The following DYNC2H1 variants were observed in gnomAD, a reference collection of about 807,000 sequenced individuals.
DYNC2H1 encodes the protein dynein cytoplasmic 2 heavy chain 1, also known as cytoplasmic dynein 2 heavy chain 1.
DYNC2H1 carries 410 observed loss-of-function variants against 570.0 expected under a neutral mutation model. That is an observed-to-expected ratio of 0.72 (90% CI 0.66 to 0.78). DYNC2H1 has a LOEUF of 0.78. Among genes scored for constraint, DYNC2H1 ranks in the 30% least tolerant of loss-of-function variants. DYNC2H1 has a pLI of 0.00. For missense variants in DYNC2H1, 4,865 were observed against 5,046.4 expected (o/e 0.96, Z 1.09); for synonymous variants, 1,688 against 1,677.6 (o/e 1.01, Z -0.15).
chr11:103,325,609 C>T lies in DYNC2H1; in HGVS notation c.12039+1619C>T, dbSNP rs1724507107. On this transcript the variant is annotated intron_variant, in intron 82 of 88. Coordinates refer to ENST00000375735, the MANE Select transcript of DYNC2H1 (RefSeq NM_001377.3). The surrounding 1 kb of genome is among the most constrained non-coding windows in gnomAD (Gnocchi z 4.8). ...TAGTTCTCTTTGTGGAGATCTTTCA[C>T]CTGTATACTGCTGTTAATACTTCTG... Among the ~76,000 whole-genome samples, 1 of 152,032 alleles carries T rather than the reference C, an allele frequency of 6.6e-6. No individual in the cohort carries two copies. The highest frequency in any genetic ancestry group is 1.5e-5 in the Non-Finnish European group (1 of 68,000).
Position 103,455,319 on chromosome 11 carries a change from C to T in DYNC2H1, c.12566+24C>T, listed in dbSNP as rs765601296. The T allele has an allele frequency of 2.5e-6, 4 of 1,592,740 alleles. No homozygotes were observed. In the South Asian group the frequency reaches 4.4e-5, roughly 18 times the overall value. ...AGGTAATTAAAATGAAATACTTTAC[C>T]TATTTGTCCCTGACGGTAATTAGTT... On this transcript the variant is annotated intron_variant, in intron 86 of 88. Coordinates refer to ENST00000375735, the MANE Select transcript of DYNC2H1 (RefSeq NM_001377.3).
intron 85 of DYNC2H1, 28 bp downstream of exon 85, chr11:103,436,060 T>C (rs1420691859): frequency 2.5e-6 from 4 of 1,597,068 alleles, no homozygotes; most frequent in Non-Finnish European, 3.4e-6. Context: ...ACTAAGTGGG[T>C]TGTCTGACTG....
rs1254160734 is a variant in DYNC2H1, at chr11:103,204,266, T to C, written c.8311+490T>C. Reference sequence around the variant, plus strand: ...TTCCTCCCGCAACACGTGGGGATTATGGGAGCTACAAAATGAGATTTGGGT... The same window carrying C: ...TTCCTCCCGCAACACGTGGGGATTACGGGAGCTACAAAATGAGATTTGGGT... On this transcript the variant is annotated intron_variant, in intron 51 of 88. Coordinates refer to ENST00000375735, the MANE Select transcript of DYNC2H1 (RefSeq NM_001377.3). This position sits in a 1 kb window ranked among gnomAD's most constrained non-coding sequence, Gnocchi z 4.1. Among the ~76,000 whole-genome samples the C allele has an allele frequency of 6.6e-6, 1 of 152,140 alleles. No homozygotes were observed. Among genetic ancestry groups the C allele is most frequent in the Non-Finnish European group, 1.5e-5 (1 of 68,024 alleles).
At chr11:103,359,895 C>T (rs764394568) in intron 83 of DYNC2H1, among the ~76,000 whole-genome samples, 19 of 152,094 alleles carry the variant, frequency 1.2e-4, no homozygotes, top group Non-Finnish European at 2.5e-4. Context: ...TAACTCCTGA[C>T]GTCAGGTGGT....
chr11:103,311,124 A>G (rs1207534085), intron 78 of DYNC2H1, among the ~76,000 whole-genome samples: 2 of 152,198 alleles, frequency 1.3e-5, no homozygotes, highest in African/African-American at 2.4e-5. Context: ...TTTTTATGTT[A>G]GAAACCATTT....
At chr11:103,219,806 A>C (rs1004453166) in intron 55 of DYNC2H1, 109 bp from the exon 56 acceptor site, 2 of 670,894 alleles carry the variant, frequency 3.0e-6, no homozygotes, top group African/African-American at 3.9e-5. Context: ...AACTAGTATT[A>C]GGAAACATTT....
rs1447678435 is a variant in DYNC2H1, at chr11:103,411,864, C to A, written c.12366+11992C>A. On this transcript the variant is annotated intron_variant, in intron 84 of 88. Coordinates refer to ENST00000375735, the MANE Select transcript of DYNC2H1 (RefSeq NM_001377.3). ...TACTTTGAATTAAGAAATGCAGCCT[C>A]AGAAAATATCACTATTTTTGAAATA... 2.6e-5 allele frequency among the ~76,000 whole-genome samples: 4 copies of A among 151,996 alleles called. No homozygotes were observed. In the East Asian group the frequency reaches 7.7e-4, roughly 29 times the overall value.
At chr11:103,345,007 A>G (rs540041435) in intron 82 of DYNC2H1, among the ~76,000 whole-genome samples, 57 of 151,916 alleles carry the variant, frequency 3.8e-4, no homozygotes, top group African/African-American at 1.3e-3. Flanking sequence ...CATATTTTTT[A>G]GTAGTTCTAT....
At position 103,472,027 on chromosome 11, in the gene DYNC2H1, A is replaced by G. The variant is rs1487772238; in HGVS notation, c.12765+3322A>G. Among the ~76,000 whole-genome samples the G allele has an allele frequency of 1.3e-5, 2 of 152,204 alleles. No homozygotes were observed. The highest frequency in any genetic ancestry group is 2.9e-5 in the Non-Finnish European group (2 of 68,032). ...TAGGGTAACAAGGCATTCCAGACAG[A>G]AGTAGCAGCATATGTAAATATATGC... is the stretch of plus-strand genomic sequence containing the variant. On this transcript the variant is annotated intron_variant, in intron 88 of 88. Transcript: ENST00000375735. The surrounding 1 kb of genome is among the most constrained non-coding windows in gnomAD (Gnocchi z 4.1).
At chr11:103,467,541 GTTTTGT>G (rs1945231300) in intron 87 of DYNC2H1, among the ~76,000 whole-genome samples, 1 of 151,284 alleles carries the variant, frequency 6.6e-6, no homozygotes, top group Non-Finnish European at 1.5e-5. Flanking sequence ...GTTTTGTTTT[GTTTTGT>G]TTTGTTTTGA....
At chr11:103,195,964 A>T (rs1862493411) in intron 47 of DYNC2H1, among the ~76,000 whole-genome samples, 1 of 152,204 alleles carries the variant, frequency 6.6e-6, no homozygotes, top group South Asian at 2.1e-4. Flanking sequence ...AGGATATTCC[A>T]GACAAGGGAA....
At chr11:103,302,328 A>T in intron 75 of DYNC2H1, among the ~76,000 whole-genome samples, 1 of 152,106 alleles carries the variant, frequency 6.6e-6, no homozygotes, top group East Asian at 1.9e-4. Flanking sequence ...ACTACCCAGT[A>T]TAATGCTTAG....
At chr11:103,237,803 T>C (rs919293318) in intron 63 of DYNC2H1, among the ~76,000 whole-genome samples, 8 of 152,096 alleles carry the variant, frequency 5.3e-5, no homozygotes, top group Admixed American at 2.6e-4. Context: ...GGTAAGTCTG[T>C]AGACAAAATA....
At chr11:103,242,468 G>A (rs1480762395) in intron 63 of DYNC2H1, among the ~76,000 whole-genome samples, 1 of 152,088 alleles carries the variant, frequency 6.6e-6, no homozygotes, top group Non-Finnish European at 1.5e-5. Context: ...GGGGACTGCT[G>A]TACCCCATTC....
intron 15 of DYNC2H1, among the ~76,000 whole-genome samples, chr11:103,134,780 A>G (rs1226765808): frequency 6.6e-6 from 1 of 152,098 alleles, no homozygotes; most frequent in African/African-American, 2.4e-5. Context: ...AATGATTGGA[A>G]TAATTTTATT....
In DYNC2H1 at chr11:103,137,076, TG is replaced by T. The variant is rs1354232402; in HGVS notation, c.2574+1129del. 2.0e-5 allele frequency among the ~76,000 whole-genome samples: 3 copies of T among 147,954 alleles called. No individual in the cohort carries two copies. In the East Asian group the frequency reaches 5.9e-4, roughly 29 times the overall value. On this transcript the variant is annotated intron_variant, in intron 17 of 88. Coordinates refer to ENST00000375735, the MANE Select transcript of DYNC2H1 (RefSeq NM_001377.3). ...TTGCCCACTTTTTGATGGGGTTGTTTGTTTTTTTCTTGTAAATTTGTTTGAG... is the reference window on the plus strand; with the variant it reads ...TTGCCCACTTTTTGATGGGGTTGTTTTTTTTTTCTTGTAAATTTGTTTGAG...
At chr11:103,464,558 C>G (rs142750939) in intron 87 of DYNC2H1, among the ~76,000 whole-genome samples, 10 of 152,238 alleles carry the variant, frequency 6.6e-5, no homozygotes, top group African/African-American at 2.4e-4. Context: ...AGAGGAAAAT[C>G]TTCAAAGTTA....
chr11:103,267,837 T>C (rs1383159532), intron 70 of DYNC2H1, among the ~76,000 whole-genome samples: 1 of 151,962 alleles, frequency 6.6e-6, no homozygotes, highest in African/African-American at 2.4e-5. Context: ...TTTTAAATTT[T>C]TCTTGCTATA....
At chr11:103,364,302 G>C (rs774243737) in intron 83 of DYNC2H1, among the ~76,000 whole-genome samples, 4 of 149,644 alleles carry the variant, frequency 2.7e-5, no homozygotes, top group Non-Finnish European at 5.9e-5. Context: ...GGAGGCTTTC[G>C]TGAGAAGCAG....
Sources: allele counts gnomAD v4.1 joint callset (sites outside exome capture counted in the v4.1 genomes callset), GRCh38; gene constraint gnomAD v4.1.1; non-coding constraint Gnocchi (gnomAD v3.1); transcripts MANE v1.5; gene names NCBI Gene and HGNC (gene_info 2026-07-23, HGNC 2026-07-21).